ATP6V1D: variants seen among roughly 807,000 people sequenced by gnomAD.
ATP6V1D encodes V-type proton ATPase subunit D.
Under a neutral mutation model 39.4 loss-of-function variants are expected in ATP6V1D, and 20 were observed. The ratio of observed to expected loss-of-function variants is 0.51; its 90% CI spans 0.36 to 0.74. The LOEUF (loss-of-function observed/expected upper bound fraction) is 0.74, where lower values mean the gene tolerates loss of function less well. Ranked by LOEUF, ATP6V1D falls within the 30% of genes least tolerant of loss-of-function variation. The probability of loss-of-function intolerance (pLI) is 0.00; values close to 1 mark genes in which losing one functional copy is unlikely to be tolerated. For synonymous variants in ATP6V1D, 100 were observed against 100.5 expected (o/e 0.99, Z 0.03); for missense variants, 228 against 291.6 (o/e 0.78, Z 1.59).
At chr14:67,354,396 A>G (rs1181673058) in intron 1 of ATP6V1D, among the ~76,000 whole-genome samples, 2 of 152,214 alleles carry the variant, frequency 1.3e-5, no homozygotes, top group Non-Finnish European at 2.9e-5. Context: ...AAATCTATCC[A>G]CTAATATATA....
intron 1 of ATP6V1D, among the ~76,000 whole-genome samples, chr14:67,357,916 G>C (rs529416473): frequency 2.0e-5 from 3 of 152,200 alleles, no homozygotes; most frequent in African/African-American, 7.2e-5. Context: ...CAAAGAAATG[G>C]CTCTCAAAGA....
rs370286919 is a variant in ATP6V1D, at chr14:67,359,705, G to C, written c.-7C>G. On this transcript the variant is annotated 5_prime_UTR_variant, in exon 1 of 9. The change creates a new upstream start codon in the 5' untranslated region. Transcript: ENST00000216442. ...TTCGGTCTTTGCCCGACATTCTGAC[G>C]ATAACTTTTCGGCTCGGGTCCCCGG... is the stretch of plus-strand genomic sequence containing the variant. 20 of 1,613,750 alleles carry C rather than the reference G, an allele frequency of 1.2e-5. No individual in the cohort carries two copies. The highest frequency in any genetic ancestry group is 1.5e-5 in the Non-Finnish European group (18 of 1,179,976).
intron 5 of ATP6V1D, among the ~76,000 whole-genome samples, chr14:67,347,048 G>A (rs758240882): frequency 2.1e-4 from 32 of 152,076 alleles, no homozygotes; most frequent in Admixed American, 1.3e-4. Context: ...GTGCAGTGGC[G>A]TGATCAGAAC....
chr14:67,347,140 C>T (rs2085624418), intron 5 of ATP6V1D, among the ~76,000 whole-genome samples: 1 of 152,096 alleles, frequency 6.6e-6, no homozygotes, highest in African/African-American at 2.4e-5. Flanking sequence ...CGTGCCACCA[C>T]ACCTGGCTGA....
At chr14:67,340,798 C>T (rs948559089) in intron 7 of ATP6V1D, among the ~76,000 whole-genome samples, 30 of 152,146 alleles carry the variant, frequency 2.0e-4, no homozygotes, top group Admixed American at 1.7e-3. Context: ...CTCAGCCTGC[C>T]GAGTGCCTGC....
chr14:67,359,751 T>A lies in ATP6V1D; in HGVS notation c.-53A>T, dbSNP rs1251048461. ...CCCGGCCGGGCAACCGAGGCTGCAA[T>A]AGCTCCAGAACTGGCCTCCACAGTG... On this transcript the variant is annotated 5_prime_UTR_variant, in exon 1 of 9. Coordinates refer to ENST00000216442, the MANE Select transcript of ATP6V1D (RefSeq NM_015994.4). 2 of 1,607,430 alleles carry A rather than the reference T, an allele frequency of 1.2e-6. No individual in the cohort carries two copies. The highest frequency in any genetic ancestry group is 1.7e-6 in the Non-Finnish European group (2 of 1,175,542).
intron 1 of ATP6V1D, among the ~76,000 whole-genome samples, chr14:67,356,442 A>C (rs780962546): frequency 0.022 from 3,161 of 144,110 alleles, 41 homozygotes; most frequent in Middle Eastern, 0.038. Flanking sequence ...AACAAAAAAA[A>C]AAAAACAAAA....
At chr14:67,339,794 T>C (rs1335577896) in intron 8 of ATP6V1D, among the ~76,000 whole-genome samples, 1 of 152,116 alleles carries the variant, frequency 6.6e-6, no homozygotes, top group Non-Finnish European at 1.5e-5. Flanking sequence ...TAAATCATCA[T>C]TTCATTTTAA....
At position 67,338,502 on chromosome 14, in the gene ATP6V1D, T is replaced by C. The variant is rs1595631872; in HGVS notation, c.*119A>G. The C allele has an allele frequency of 3.8e-5, 44 of 1,157,042 alleles. No homozygotes were observed. In the South Asian group the frequency reaches 7.5e-4, roughly 20 times the overall value. 71.7% of individuals were successfully genotyped at this position (1,157,042 alleles called of 1,614,324 possible). ...TCCCATAAATAGACATCTAGGTAAA[T>C]TTTACAACCAGTGAAATTCTTAGGC... On this transcript the variant is annotated 3_prime_UTR_variant, in exon 9 of 9. Transcript: ENST00000216442.
At chr14:67,359,526 CAAGAA>C in intron 1 of ATP6V1D, 127 bp downstream of exon 1, 1 of 1,034,404 alleles carries the variant, frequency 9.7e-7, no homozygotes, top group Non-Finnish European at 1.4e-6. Flanking sequence ...GCCCTAGACT[CAAGAA>C]AAGAACCTGG....
rs769203172 is a variant in ATP6V1D at position 67,359,633 on chromosome 14, C to T, written c.41+25G>A. On this transcript the variant is annotated intron_variant, in intron 1 of 8. Coordinates refer to ENST00000216442, the MANE Select transcript of ATP6V1D (RefSeq NM_015994.4). Reference sequence around the variant, plus strand: ...CTCCGGGTTCCTAAACCTGTGAAAGCGGCTTATCCCATTCCTTTACTTACA... The same window carrying T: ...CTCCGGGTTCCTAAACCTGTGAAAGTGGCTTATCCCATTCCTTTACTTACA... The T allele has an allele frequency of 3.1e-6, 5 of 1,613,540 alleles. No individual in the cohort carries two copies. The South Asian group carries it at 3.3e-5, about 11-fold the overall frequency.
intron 1 of ATP6V1D, among the ~76,000 whole-genome samples, chr14:67,354,518 G>A (rs900677297): frequency 2.0e-5 from 3 of 152,026 alleles, no homozygotes; most frequent in Non-Finnish European, 2.9e-5. Context: ...TTAAAAGATG[G>A]GTACTCCAGC....
intron 3 of ATP6V1D, among the ~76,000 whole-genome samples, chr14:67,349,732 T>C (rs571575158): frequency 2.0e-5 from 3 of 152,218 alleles, no homozygotes; most frequent in South Asian, 4.2e-4. Context: ...TTATAGAAAG[T>C]ATCTTCCCCA....
chr14:67,350,410 C>A (rs1224563250), intron 3 of ATP6V1D, among the ~76,000 whole-genome samples: 1 of 152,092 alleles, frequency 6.6e-6, no homozygotes, highest in Non-Finnish European at 1.5e-5. Context: ...TACTAAGTAT[C>A]CTGCGCCTGC....
intron 5 of ATP6V1D, among the ~76,000 whole-genome samples, chr14:67,346,455 G>A (rs1488136253): frequency 1.3e-5 from 2 of 152,144 alleles, no homozygotes; most frequent in African/African-American, 4.8e-5. Context: ...GGGACCACAG[G>A]CGCATGCCAC....
chr14:67,346,326 T>G (rs1215644709), intron 5 of ATP6V1D, among the ~76,000 whole-genome samples: 5 of 152,286 alleles, frequency 3.3e-5, no homozygotes, highest in Admixed American at 3.3e-4. Flanking sequence ...TTTATTTATT[T>G]ATTGAGATGG....
chr14:67,340,572 ATTATCAGTGCTCATTTGTATAACAG>A (rs1187877723), intron 7 of ATP6V1D, 54 bp from the exon 8 acceptor site: 2 of 1,395,148 alleles, frequency 1.4e-6, no homozygotes, highest in African/African-American at 2.8e-5. Flanking sequence ...CTTTTTTCAA[ATTATCAGTGCTCATTTGTATAACAG>A]TTATTTTTTC....
Position 67,346,898 on chromosome 14 carries a change from T to TA in ATP6V1D, c.352+510dup, listed in dbSNP as rs530516532. On this transcript the variant is annotated intron_variant, in intron 5 of 8. Transcript: ENST00000216442. ...CATATTCAAAAGGCCTTATATTTTTTAAATAGCAAGTGATTCTACATTGAT... is the reference window on the plus strand; with the variant it reads ...CATATTCAAAAGGCCTTATATTTTTTAAAATAGCAAGTGATTCTACATTGAT... Among the ~76,000 whole-genome samples the TA allele has an allele frequency of 7.2e-5, 11 of 152,358 alleles. No individual in the cohort carries two copies. In the South Asian group the frequency reaches 2.1e-3, roughly 29 times the overall value.
rs1011960874 is a variant in ATP6V1D at position 67,352,871 on chromosome 14, C to T, written c.159+52G>A. On this transcript the variant is annotated intron_variant, in intron 2 of 8. Transcript: ENST00000216442. ...ACAACAAAAAAAAAAATGCCAAGGG[C>T]CATGCTGGATTTTTCTAAAATAAAT... 5 of 1,222,816 alleles carry T rather than the reference C, an allele frequency of 4.1e-6. No individual in the cohort carries two copies. In the Admixed American group the frequency reaches 6.7e-5, roughly 16 times the overall value. 75.7% of individuals were successfully genotyped at this position (1,222,816 alleles called of 1,614,324 possible). A position where few individuals can be genotyped will look rare whatever the true frequency, so the allele number is the denominator to read the frequency against.
Sources: gnomAD v4.1 joint callset for allele counts (sites outside exome capture counted in the v4.1 genomes callset) on GRCh38, gnomAD v4.1.1 for gene constraint, MANE v1.5 for transcripts, NCBI Gene and HGNC (gene_info 2026-07-23, HGNC 2026-07-21) for gene names.